Variants in ACYP2 observed in about 807,000 individuals in gnomAD.
The protein encoded by ACYP2 is acylphosphatase-2.
Under a neutral mutation model 11.2 loss-of-function variants are expected in ACYP2, and 12 were observed. That is an observed-to-expected ratio of 1.08 (90% CI 0.69 to 1.74). The LOEUF (loss-of-function observed/expected upper bound fraction) is 1.74, where lower values mean the gene tolerates loss of function less well. Ranked by LOEUF, ACYP2 falls within the 40% of genes most tolerant of loss-of-function variation. The probability of loss-of-function intolerance (pLI) is 0.00; values close to 1 mark genes in which losing one functional copy is unlikely to be tolerated. For synonymous variants in ACYP2, 43 were observed against 32.2 expected (o/e 1.33, Z -1.13); for missense variants, 134 against 101.9 (o/e 1.31, Z -1.35).
chr2:54,043,255 C>G (rs987454195), intron 2 of ACYP2, among the ~76,000 whole-genome samples: 1 of 152,148 alleles, frequency 6.6e-6, no homozygotes, highest in Non-Finnish European at 1.5e-5. Flanking sequence ...AATATCTTAA[C>G]CAAGGGACAA....
At chr2:54,214,353 C>G (rs1414527176) in intron 6 of ACYP2, among the ~76,000 whole-genome samples, 1 of 152,138 alleles carries the variant, frequency 6.6e-6, no homozygotes, top group Non-Finnish European at 1.5e-5. Context: ...AGGTTTTCTT[C>G]TAGGGTTTTT....
intron 4 of ACYP2, among the ~76,000 whole-genome samples, chr2:54,079,170 A>C (rs1677510927): frequency 6.6e-6 from 1 of 152,176 alleles, no homozygotes; most frequent in Non-Finnish European, 1.5e-5. Flanking sequence ...CTGACACTTG[A>C]TGTAGAATTT....
At chr2:54,005,917 A>G (rs1673040616) in intron 2 of ACYP2, among the ~76,000 whole-genome samples, 1 of 152,218 alleles carries the variant, frequency 6.6e-6, no homozygotes, top group Non-Finnish European at 1.5e-5. Context: ...CAAGTTGGAA[A>G]GAACTGACAT....
At chr2:54,233,817 C>T (rs886087575) in intron 6 of ACYP2, among the ~76,000 whole-genome samples, 1 of 152,032 alleles carries the variant, frequency 6.6e-6, no homozygotes. Flanking sequence ...TCAAAAAGGT[C>T]ACGGGAAAAT....
At chr2:54,141,974 C>G in intron 6 of ACYP2, 3 of 525,092 alleles carry the variant, frequency 5.7e-6, no homozygotes, top group Non-Finnish European at 6.9e-6. Context: ...AGTGCACATG[C>G]TGGCTAATTT....
At chr2:54,114,489 G>A (rs59749650) in intron 4 of ACYP2, among the ~76,000 whole-genome samples, 12,356 of 151,706 alleles carry the variant, frequency 0.081, 663 homozygotes, top group East Asian at 0.29. Flanking sequence ...TTTGAGACTA[G>A]CCTGGACAAC....
At chr2:54,062,116 C>G (rs903993621) in intron 4 of ACYP2, among the ~76,000 whole-genome samples, 2 of 152,146 alleles carry the variant, frequency 1.3e-5, no homozygotes, top group African/African-American at 4.8e-5. Flanking sequence ...CATTGGGTCT[C>G]ATAGAGCTCT....
chr2:54,165,500 GTCTC>G (rs1277632665), intron 6 of ACYP2, among the ~76,000 whole-genome samples: 7 of 121,628 alleles, frequency 5.8e-5, no homozygotes, highest in South Asian at 2.8e-4. Context: ...GTCTCTCTCT[GTCTC>G]TCTCTCTTTC....
At chr2:54,186,696 T>C (rs1684017224) in intron 6 of ACYP2, among the ~76,000 whole-genome samples, 1 of 152,042 alleles carries the variant, frequency 6.6e-6, no homozygotes, top group Non-Finnish European at 1.5e-5. Flanking sequence ...GTATTTTTAG[T>C]AGAGACGGGG....
At chr2:53,977,941 C>T (rs1468531837) in intron 2 of ACYP2, among the ~76,000 whole-genome samples, 3 of 151,860 alleles carry the variant, frequency 2.0e-5, no homozygotes, top group Non-Finnish European at 1.5e-5. Flanking sequence ...CTGAGGCTGC[C>T]ACATCTAGAG....
intron 6 of ACYP2, among the ~76,000 whole-genome samples, chr2:54,154,052 GTT>G (rs879355751): frequency 6.9e-6 from 1 of 144,758 alleles, no homozygotes; most frequent in African/African-American, 2.5e-5. Context: ...TTCTCCTAAG[GTT>G]TTTTTTTTTG....
At chr2:53,990,990 G>T (rs1672264146) in intron 2 of ACYP2, among the ~76,000 whole-genome samples, 1 of 152,056 alleles carries the variant, frequency 6.6e-6, no homozygotes, top group Admixed American at 6.6e-5. Context: ...TAGAGACGGG[G>T]TTTCACTGTG....
intron 6 of ACYP2, among the ~76,000 whole-genome samples, chr2:54,175,915 A>G (rs1683438431): frequency 6.6e-6 from 1 of 152,120 alleles, no homozygotes. Flanking sequence ...ATCAGATCAT[A>G]AGGGCAGAGC....
rs143067052 is a variant in ACYP2, at chr2:54,238,270, C to T, written c.405-66418C>T. ...TATTTGCTTATTCTTTGTCTCTCTC[C>T]ATTTGAATAGAAATTCTGAAGTTCT... On this transcript the variant is annotated intron_variant, in intron 6 of 6. Coordinates refer to ENST00000607452, the MANE Select transcript of ACYP2 (RefSeq NM_001320586.2). Among the ~76,000 whole-genome samples, 70 of 152,260 alleles carry T rather than the reference C, an allele frequency of 4.6e-4. 2 individuals are homozygous for T. In the East Asian group the frequency reaches 0.012, roughly 25 times the overall value.
rs536194400 is a variant in ACYP2 at position 54,140,484 on chromosome 2, T to C, written c.404+1736T>C. On this transcript the variant is annotated intron_variant, in intron 6 of 6. Coordinates refer to ENST00000607452, the MANE Select transcript of ACYP2 (RefSeq NM_001320586.2). The stretch of plus-strand genomic sequence containing the variant: ...TCTTAAGTAACCTGTGTTAGCAAGC[T>C]AGTGTGTATTCTTCTGCTTGTCTCC... Among the ~76,000 whole-genome samples, 5 of 151,830 alleles carry C rather than the reference T, an allele frequency of 3.3e-5. No homozygotes were observed. In the South Asian group the frequency reaches 1.0e-3, roughly 32 times the overall value.
At chr2:54,069,539 G>T (rs1273341729) in intron 4 of ACYP2, among the ~76,000 whole-genome samples, 3 of 152,154 alleles carry the variant, frequency 2.0e-5, no homozygotes, top group Non-Finnish European at 2.9e-5. Flanking sequence ...GCGGGCGCCT[G>T]TAGTCCTAGC....
At chr2:54,209,718 G>T (rs973907033) in intron 6 of ACYP2, among the ~76,000 whole-genome samples, 4 of 152,146 alleles carry the variant, frequency 2.6e-5, no homozygotes, top group Admixed American at 1.3e-4. Context: ...TAAAAAAGGG[G>T]TTCCTTTTCC....
At chr2:54,267,106 A>G (rs1351269217) in intron 6 of ACYP2, among the ~76,000 whole-genome samples, 1 of 152,182 alleles carries the variant, frequency 6.6e-6, no homozygotes, top group Non-Finnish European at 1.5e-5. Flanking sequence ...TTGAGTGGGG[A>G]GAGGCATTGA....
At chr2:54,181,321 C>G (rs1220299126) in intron 6 of ACYP2, among the ~76,000 whole-genome samples, 1 of 152,078 alleles carries the variant, frequency 6.6e-6, no homozygotes, top group Non-Finnish European at 1.5e-5. Context: ...TAATACAAAC[C>G]TCATTTTATG....
Sources: gnomAD v4.1 joint callset for allele counts (sites outside exome capture counted in the v4.1 genomes callset) on GRCh38, gnomAD v4.1.1 for gene constraint, MANE v1.5 for transcripts, NCBI Gene and HGNC (gene_info 2026-07-23, HGNC 2026-07-21) for gene names.